The following SCNN1B variants were observed in gnomAD, a reference collection of about 807,000 sequenced individuals.
SCNN1B encodes the protein epithelial sodium channel subunit beta.
Under a neutral mutation model 65.3 loss-of-function variants are expected in SCNN1B, and 46 were observed. That is an observed-to-expected ratio of 0.70 (90% CI 0.56 to 0.90). SCNN1B has a LOEUF of 0.90. SCNN1B is among the 40% of genes least tolerant of loss of function. The pLI, the probability that SCNN1B is intolerant of heterozygous loss-of-function variation, is 0.00. For synonymous variants in SCNN1B, 349 were observed against 330.6 expected (o/e 1.06, Z -0.60); for missense variants, 751 against 830.5 (o/e 0.90, Z 1.18).
chr16:23,327,196 C>G (rs1961714898), intron 1 of SCNN1B, among the ~76,000 whole-genome samples: 1 of 152,050 alleles, frequency 6.6e-6, no homozygotes, highest in Admixed American at 6.6e-5. Flanking sequence ...GGATTACAGA[C>G]AGGAGCCACC....
At chr16:23,331,958 CTTGTTTGTTTGT>C (rs551211178) in intron 1 of SCNN1B, among the ~76,000 whole-genome samples, 1 of 151,864 alleles carries the variant, frequency 6.6e-6, no homozygotes, top group East Asian at 1.9e-4. Context: ...TGGGTTTTTG[CTTGTTTGTTTGT>C]TTGTTTGTTT....
chr16:23,314,689 C>T (rs1429100069), intron 1 of SCNN1B, among the ~76,000 whole-genome samples: 3 of 152,178 alleles, frequency 2.0e-5, no homozygotes, highest in East Asian at 1.9e-4. Flanking sequence ...TGTAAGGTTT[C>T]GGCTTTTCAC....
At chr16:23,288,424 T>G (rs900671899) in intron 2 of SCNN1B, among the ~76,000 whole-genome samples, 3 of 152,204 alleles carry the variant, frequency 2.0e-5, no homozygotes, top group Admixed American at 6.5e-5. Flanking sequence ...ACTCATTTAT[T>G]ACGTGACAGT....
intron 1 of SCNN1B, among the ~76,000 whole-genome samples, chr16:23,321,421 TG>T (rs1457656425): frequency 6.6e-6 from 1 of 151,948 alleles, no homozygotes; most frequent in Non-Finnish European, 1.5e-5. Flanking sequence ...CGCCTGTGAG[TG>T]GGGGTGTGAG....
Position 23,348,614 on chromosome 16 carries a change from G to A in SCNN1B, c.15G>A (p.Lys5=), listed in dbSNP as rs758875492. 2 of 1,613,080 alleles carry A rather than the reference G, an allele frequency of 1.2e-6. No homozygotes were observed. Among genetic ancestry groups the A allele is most frequent in the South Asian group, 1.1e-5 (1 of 91,038 alleles). MHVK[K]YLLKGLHRLQ... is the part of the protein sequence containing the mutation. The stretch of plus-strand genomic sequence containing the variant: ...CAGGTGCCACTATGCACGTGAAGAA[G>A]TACCTGCTGAAGGGCCTGCATCGGC... Residue 5 remains lysine, a synonymous_variant, in exon 2 of 13, where the codon AAG becomes AAA. Transcript: ENST00000343070. This position sits in a 1 kb window ranked among gnomAD's most constrained non-coding sequence, Gnocchi z 4.5.
intron 2 of SCNN1B, among the ~76,000 whole-genome samples, chr16:23,351,659 C>A (rs1304687061): frequency 1.3e-5 from 2 of 152,208 alleles, no homozygotes; most frequent in Non-Finnish European, 2.9e-5. Flanking sequence ...TCAATTACCC[C>A]ACTTTGAGGC....
At position 23,365,483 on chromosome 16, in the gene SCNN1B, A is replaced by G. The variant is rs1312809020; in HGVS notation, c.777-2373A>G. ...AAAGAGAAAGAAAAGAGAGAAAGAA[A>G]AAGAAGAAAAGAAAGAAAAAGAAAG... On this transcript the variant is annotated intron_variant, in intron 4 of 12. Coordinates refer to ENST00000343070, the MANE Select transcript of SCNN1B (RefSeq NM_000336.3). 5.5e-5 allele frequency among the ~76,000 whole-genome samples: 8 copies of G among 145,656 alleles called. No individual in the cohort carries two copies. The East Asian group carries it at 1.6e-3, about 29-fold the overall frequency.
chr16:23,345,441 G>C (rs769975087), intron 1 of SCNN1B, among the ~76,000 whole-genome samples: 4 of 152,160 alleles, frequency 2.6e-5, no homozygotes, highest in Non-Finnish European at 4.4e-5. Flanking sequence ...GGAATGAATG[G>C]CTTCAGGCAT....
At chr16:23,346,235 G>A (rs1443595989) in intron 1 of SCNN1B, among the ~76,000 whole-genome samples, 4 of 71,078 alleles carry the variant, frequency 5.6e-5, no homozygotes, top group African/African-American at 2.5e-4. Flanking sequence ...TTTTTGAGAC[G>A]GAGTCTCACT....
intron 4 of SCNN1B, among the ~76,000 whole-genome samples, chr16:23,367,156 C>T (rs972473243): frequency 6.6e-6 from 1 of 152,204 alleles, no homozygotes; most frequent in Non-Finnish European, 1.5e-5. Context: ...TCTCGAGATC[C>T]TTAGCACATC....
At position 23,346,428 on chromosome 16, in the gene SCNN1B, G is replaced by T. The variant is rs563403524; in HGVS notation, c.-8-2164G>T. Among the ~76,000 whole-genome samples, 174 of 151,362 alleles carry T rather than the reference G, an allele frequency of 1.1e-3. 3 individuals are homozygous for T. Among genetic ancestry groups the T allele is most frequent in the Admixed American group, 0.011 (163 of 15,202 alleles). Reference sequence around the variant, plus strand: ...GTAGAGACAGGGTTTCACTATGTTGGCCAGGCTAGTCTCAAACTCCTGACC... The same window carrying T: ...GTAGAGACAGGGTTTCACTATGTTGTCCAGGCTAGTCTCAAACTCCTGACC... On this transcript the variant is annotated intron_variant, in intron 1 of 12. Coordinates refer to ENST00000343070, the MANE Select transcript of SCNN1B (RefSeq NM_000336.3).
chr16:23,368,069 G>T, intron 5 of SCNN1B, 110 bp downstream of exon 5: 1 of 890,676 alleles, frequency 1.1e-6, no homozygotes, highest in South Asian at 1.3e-5. Context: ...GGGGACCAAG[G>T]CATCAAGAGG....
intron 4 of SCNN1B, among the ~76,000 whole-genome samples, chr16:23,357,919 C>G (rs1460004764): frequency 2.6e-5 from 4 of 152,256 alleles, no homozygotes; most frequent in Admixed American, 6.5e-5. Flanking sequence ...GCACATTCAT[C>G]TCACCCGCTC....
rs187287720 is a variant in SCNN1B, at chr16:23,361,040, C to T, written c.776+5551C>T. ...TGATCTCCTGACCTCATGATCCACC[C>T]GCCTCAGCCTTCCAAAGTGCTGGGA... On this transcript the variant is annotated intron_variant, in intron 4 of 12. Coordinates refer to ENST00000343070, the MANE Select transcript of SCNN1B (RefSeq NM_000336.3). 2.3e-3 allele frequency among the ~76,000 whole-genome samples: 349 copies of T among 152,196 alleles called. 4 individuals are homozygous for T. The highest frequency in any genetic ancestry group is 7.9e-3 in the African/African-American group (328 of 41,532).
intron 1 of SCNN1B, among the ~76,000 whole-genome samples, chr16:23,312,649 G>C (rs1961369257): frequency 6.6e-6 from 1 of 152,144 alleles, no homozygotes; most frequent in South Asian, 2.1e-4. Flanking sequence ...CAGAATTCAG[G>C]GAAAATTGAA....
chr16:23,300,351 A>T (rs1012787140), upstream of SCNN1B, among the ~76,000 whole-genome samples: 1 of 151,350 alleles, frequency 6.6e-6, no homozygotes, highest in Non-Finnish European at 1.5e-5. Context: ...AATAATAAAT[A>T]AAAAAGACTG....
rs1387637515 is a variant in SCNN1B, at chr16:23,288,633, G to A, written n.178+4829G>A. ...AGCCTGAGCAACATGGCGAAACCCT[G>A]CCTCTACAAAAAATAATTGTAAAAA... On this transcript the variant is annotated intron_variant and non_coding_transcript_variant, in intron 2 of 3. Coordinates refer to the SCNN1B transcript ENST00000569789. Among the ~76,000 whole-genome samples, 3 of 152,092 alleles carry A rather than the reference G, an allele frequency of 2.0e-5. No individual in the cohort carries two copies. In the East Asian group the frequency reaches 5.8e-4, roughly 29 times the overall value.
intron 8 of SCNN1B, 84 bp from the exon 9 acceptor site, chr16:23,377,081 G>C (rs1396258319): frequency 1.6e-6 from 2 of 1,237,764 alleles, no homozygotes; most frequent in African/African-American, 3.0e-5. Context: ...GAGAGCAGAG[G>C]GGCCAGCCAG....
chr16:23,353,504 G>C (rs1008206172), intron 3 of SCNN1B, among the ~76,000 whole-genome samples: 1 of 152,104 alleles, frequency 6.6e-6, no homozygotes, highest in African/African-American at 2.4e-5. Context: ...CAGAAAAAGA[G>C]CTCTTTCCCT....
Sources: gnomAD v4.1 joint callset for allele counts (sites outside exome capture counted in the v4.1 genomes callset) on GRCh38, gnomAD v4.1.1 for gene constraint, Gnocchi (gnomAD v3.1) non-coding constraint, MANE v1.5 for transcripts, NCBI Gene and HGNC (gene_info 2026-07-23, HGNC 2026-07-21) for gene names.